DOCK10: variants seen among roughly 807,000 people sequenced by gnomAD.
DOCK10 encodes the protein dedicator of cytokinesis protein 10.
DOCK10 carries 145 observed loss-of-function variants against 280.1 expected under a neutral mutation model. The observed-to-expected ratio is 0.52, with a 90% CI of 0.45 to 0.59. DOCK10 has a LOEUF of 0.59. Ranked by LOEUF, DOCK10 falls within the 20% of genes least tolerant of loss-of-function variation. The probability of loss-of-function intolerance (pLI) is 0.00; values close to 1 mark genes in which losing one functional copy is unlikely to be tolerated. For synonymous variants in DOCK10, 915 were observed against 942.2 expected, an observed-to-expected ratio of 0.97 and a Z score of 0.53; for missense variants, 2,368 against 2,651.7, an observed-to-expected ratio of 0.89 and a Z score of 2.35.
chr2:225,001,236 G>A (rs920539633), intron 1 of DOCK10, among the ~76,000 whole-genome samples: 5 of 151,608 alleles, frequency 3.3e-5, no homozygotes, highest in African/African-American at 7.3e-5. Context: ...GTAGGTGCTC[G>A]GGACTTTGGT....
chr2:224,773,298 T>C lies in DOCK10; in HGVS notation c.6063A>G (p.Gln2021=), dbSNP rs200995676. The C allele has an allele frequency of 3.8e-5, 61 of 1,613,872 alleles. No individual in the cohort carries two copies. The African/African-American group carries it at 4.1e-4, about 11-fold the overall frequency. ...CAATTGGATTCAGTTCTGTGCTCGATTGGCTAATTACTTGTATTCTCTTCT... is the reference window on the plus strand; with the variant it reads ...CAATTGGATTCAGTTCTGTGCTCGACTGGCTAATTACTTGTATTCTCTTCT... ...YVKKRIQVIS[Q]SSTELNPIEV... Residue 2021 remains glutamine (Q), a synonymous_variant, in exon 53 of 56, where the codon CAA becomes CAG. Transcript: ENST00000258390.
chr2:224,904,151 A>G (rs994102690), intron 3 of DOCK10, among the ~76,000 whole-genome samples: 2 of 152,210 alleles, frequency 1.3e-5, no homozygotes, highest in Admixed American at 6.5e-5. Flanking sequence ...GTAAGACAAC[A>G]GATTTTAATA....
chr2:224,991,695 C>T (rs1706130229), intron 1 of DOCK10, among the ~76,000 whole-genome samples: 1 of 152,096 alleles, frequency 6.6e-6, no homozygotes, highest in African/African-American at 2.4e-5. Context: ...ATGGCTGAGT[C>T]AGGCTAACTT....
At chr2:224,809,963 A>G (rs1173238354) in intron 31 of DOCK10, among the ~76,000 whole-genome samples, 1 of 149,370 alleles carries the variant, frequency 6.7e-6, no homozygotes, top group African/African-American at 2.5e-5. Flanking sequence ...AATGGTATAT[A>G]CATACGATGG....
intron 30 of DOCK10, among the ~76,000 whole-genome samples, chr2:224,816,170 T>G (rs944214847): frequency 2.0e-5 from 3 of 150,566 alleles, no homozygotes; most frequent in African/African-American, 7.3e-5. Flanking sequence ...TGATTAGTTT[T>G]TGATGTCTAC....
chr2:224,886,893 C>CCCA (rs1553605478), intron 4 of DOCK10, among the ~76,000 whole-genome samples: 1 of 149,400 alleles, frequency 6.7e-6, no homozygotes, highest in African/African-American at 2.5e-5. Flanking sequence ...CCAACACCCC[C>CCCA]CCAAGTAGTA....
chr2:225,031,997 T>A (rs1049451615), intron 1 of DOCK10, among the ~76,000 whole-genome samples: 2 of 152,224 alleles, frequency 1.3e-5, no homozygotes, highest in African/African-American at 4.8e-5. Flanking sequence ...TATGCTACCA[T>A]CTTCACAGGT....
At chr2:225,022,339 G>T (rs1689803852) in intron 1 of DOCK10, among the ~76,000 whole-genome samples, 2 of 152,108 alleles carry the variant, frequency 1.3e-5, no homozygotes, top group Admixed American at 1.3e-4. Flanking sequence ...TTCCCTTATT[G>T]GATCAAACTG....
In DOCK10 at chr2:224,823,572, C is replaced by A; in HGVS notation, c.3112G>T (p.Val1038Leu). ...AGTGCATCCTTGTATTTCCAAATCA[C>A]ATGGTCGGATAGGACCATGACAAGA... ...DNLVMVLSDH[V>L]IWKYKDALEE... Residue 1038 changes from valine (V) to leucine (L), a missense_variant, in exon 28 of 56, where the codon GTG becomes TTG. By Grantham distance (32) the Val-to-Leu change is conservative. Around this residue, in one of 2 missense-constraint regions of DOCK10, gnomAD observed 1,209 missense variants for 1,250.9 expected, o/e 0.97. Transcript: ENST00000258390. 1 of 1,608,732 alleles carries A rather than the reference C, an allele frequency of 6.2e-7. No individual in the cohort carries two copies. Among genetic ancestry groups the A allele is most frequent in the Non-Finnish European group, 8.5e-7 (1 of 1,178,454 alleles).
At chr2:224,852,508 G>T in intron 17 of DOCK10, 66 bp from the exon 18 acceptor site, 2 of 1,298,690 alleles carry the variant, frequency 1.5e-6, no homozygotes, top group Non-Finnish European at 2.2e-6. Flanking sequence ...AAACCCAAGT[G>T]CCTAAAATAA....
At chr2:224,938,485 A>C (rs1185518824) in intron 1 of DOCK10, among the ~76,000 whole-genome samples, 1 of 152,162 alleles carries the variant, frequency 6.6e-6, no homozygotes, top group African/African-American at 2.4e-5. Flanking sequence ...GGACAAGCAA[A>C]TCACTCACAG....
chr2:224,852,310 A>T, intron 18 of DOCK10, 67 bp downstream of exon 18: 1 of 1,233,092 alleles, frequency 8.1e-7, no homozygotes, highest in East Asian at 2.5e-5. Flanking sequence ...AAGCCCTGCA[A>T]TGGTGGAAAG....
chr2:224,805,131 G>A lies in DOCK10; in HGVS notation c.4052-7C>T. Reference sequence around the variant, plus strand: ...CAGTAGGCAATCAGAGTCTCTAAAAGGAAACACCAGGTAGTATGAGAATCT... The same window carrying A: ...CAGTAGGCAATCAGAGTCTCTAAAAAGAAACACCAGGTAGTATGAGAATCT... On this transcript the variant is annotated splice_polypyrimidine_tract_variant and splice_region_variant and intron_variant, in intron 36 of 55. Transcript: ENST00000258390. The surrounding 1 kb of genome is among the most constrained non-coding windows in gnomAD (Gnocchi z 4.3). The A allele has an allele frequency of 6.2e-7, 1 of 1,610,026 alleles. No individual in the cohort carries two copies. The highest frequency in any genetic ancestry group is 1.1e-5 in the South Asian group (1 of 90,258).
At chr2:224,948,400 A>G (rs774975062) in intron 1 of DOCK10, among the ~76,000 whole-genome samples, 8 of 152,254 alleles carry the variant, frequency 5.3e-5, no homozygotes, top group African/African-American at 7.2e-5. Flanking sequence ...GCAGAAGTCC[A>G]TTGATCCCTG....
chr2:224,929,177 C>T (rs1325465033), intron 2 of DOCK10, among the ~76,000 whole-genome samples: 1 of 152,204 alleles, frequency 6.6e-6, no homozygotes, highest in Non-Finnish European at 1.5e-5. Flanking sequence ...TAGAATTGGT[C>T]TTTATCTGAA....
chr2:225,006,456 C>T (rs2126291754), intron 1 of DOCK10, among the ~76,000 whole-genome samples: 1 of 152,280 alleles, frequency 6.6e-6, no homozygotes, highest in Admixed American at 6.5e-5. Context: ...CGACATACCT[C>T]CCATTTATGT....
chr2:224,872,185 A>G (rs1000559622), intron 11 of DOCK10, among the ~76,000 whole-genome samples: 10 of 152,240 alleles, frequency 6.6e-5, no homozygotes, highest in African/African-American at 2.4e-4. Flanking sequence ...AGAATCTCAC[A>G]TATATCAATA....
intron 3 of DOCK10, among the ~76,000 whole-genome samples, chr2:224,912,899 G>A (rs565546652): frequency 1.2e-4 from 18 of 152,154 alleles, no homozygotes; most frequent in Admixed American, 2.0e-4. Flanking sequence ...GGTGGTGGGC[G>A]CCTGCAATCC....
At chr2:225,032,680 C>T (rs1421905059) in intron 1 of DOCK10, among the ~76,000 whole-genome samples, 1 of 152,160 alleles carries the variant, frequency 6.6e-6, no homozygotes, top group Non-Finnish European at 1.5e-5. Flanking sequence ...GATTACTCAG[C>T]TACAATCAAT....
Sources: allele counts gnomAD v4.1 joint callset (sites outside exome capture counted in the v4.1 genomes callset), GRCh38; gene constraint gnomAD v4.1.1; regional missense constraint gnomAD v4.1.1; non-coding constraint Gnocchi (gnomAD v3.1); transcripts MANE v1.5; gene names NCBI Gene and HGNC (gene_info 2026-07-23, HGNC 2026-07-21).